CCAR2: variants seen among roughly 807,000 people sequenced by gnomAD.
CCAR2 encodes cell cycle and apoptosis regulator protein 2.
In CCAR2, 21 loss-of-function variants were observed where a neutral mutation model predicts 108.1. The ratio of observed to expected loss-of-function variants is 0.19; its 90% CI spans 0.14 to 0.28. The LOEUF is 0.28. Ranked by LOEUF, CCAR2 falls within the 10% of genes least tolerant of loss-of-function variation. The pLI is 1.00. For synonymous variants in CCAR2, 577 were observed against 472.8 expected, an observed-to-expected ratio of 1.22 and a Z score of -2.86; for missense variants, 1,126 against 1,177.0, an observed-to-expected ratio of 0.96 and a Z score of 0.63.
At position 22,620,416 on chromosome 8, in the gene CCAR2, G is replaced by GGTT. The variant is rs1389877313; in HGVS notation, c.*735_*737dup. ...AGTTTGACTTTGTATATAAAGTTGG[G>GGTT]GTTTTTTTTTTTTTTTTTTGGCTTG... On this transcript the variant is annotated 3_prime_UTR_variant, in exon 21 of 21. Coordinates refer to ENST00000308511, the MANE Select transcript of CCAR2 (RefSeq NM_001393997.1). 1.6e-4 allele frequency: 17 copies of GGTT among 109,272 alleles called. 1 individual carries two copies. The highest frequency in any genetic ancestry group is 3.9e-5 in the Non-Finnish European group (2 of 51,796). 6.8% of individuals were successfully genotyped at this position (109,272 alleles called of 1,614,324 possible). A position where few individuals can be genotyped will look rare whatever the true frequency, so the allele number is the denominator to read the frequency against.
chr8:22,621,065 G>C (rs113002231), downstream of CCAR2: 1 of 199,140 alleles, frequency 5.0e-6, no homozygotes, highest in Non-Finnish European at 1.0e-5. Context: ...AGGTAGATTT[G>C]ATGCCCACAA....
At chr8:22,606,744 G>C in intron 4 of CCAR2, 46 bp downstream of exon 4, 1 of 1,534,142 alleles carries the variant, frequency 6.5e-7, no homozygotes, top group South Asian at 1.1e-5. Flanking sequence ...ATTGGATTCA[G>C]TTCTGTCACC....
chr8:22,605,681 G>T (rs1801045561), intron 1 of CCAR2, 55 bp from the exon 2 acceptor site: 13 of 1,052,650 alleles, frequency 1.2e-5, no homozygotes, highest in Non-Finnish European at 1.9e-5. Context: ...ACTTTTCCGG[G>T]TATAGATGGA....
chr8:22,621,423 C>CGG, downstream of CCAR2: 4 of 1,612,586 alleles, frequency 2.5e-6, no homozygotes, highest in Non-Finnish European at 3.4e-6. Context: ...GACGGGGATT[C>CGG]AGTCATCGGC....
chr8:22,617,939 CCAG>C (rs1395889397), intron 16 of CCAR2, among the ~76,000 whole-genome samples, 161 bp downstream of exon 16: 1 of 152,102 alleles, frequency 6.6e-6, no homozygotes, highest in African/African-American at 2.4e-5. Context: ...TTCATAGGCT[CCAG>C]GAGAACATTT....
rs201372833 is a variant in CCAR2 at position 22,616,282 on chromosome 8, C to G, written c.1845+34C>G. On this transcript the variant is annotated intron_variant, in intron 14 of 20. Transcript: ENST00000308511. ...CCTGCCACCTCGGGCTGTCATAGTG[C>G]TTACCGTGACCGCGCACCTTTACCC... 8 of 1,586,100 alleles carry G rather than the reference C, an allele frequency of 5.0e-6. No individual in the cohort carries two copies. The South Asian group carries it at 7.7e-5, about 15-fold the overall frequency.
chr8:22,614,519 C>T lies in CCAR2; in HGVS notation c.1041+16C>T. On this transcript the variant is annotated intron_variant, in intron 10 of 20. Transcript: ENST00000308511. The stretch of plus-strand genomic sequence containing the variant: ...GCAGATTAAGGTAAGAGCTGGAGAG[C>T]AGGAGGAGATGCATTCACGGGTAAT... 6.2e-7 allele frequency: 1 copy of T among 1,603,436 alleles called. No homozygotes were observed. The highest frequency in any genetic ancestry group is 1.1e-5 in the South Asian group (1 of 90,882).
At chr8:22,616,680 G>T in intron 14 of CCAR2, 1 of 185,416 alleles carries the variant, frequency 5.4e-6, no homozygotes, top group East Asian at 1.3e-4. Flanking sequence ...GCCGGGTGTG[G>T]TGGTGCATGC....
chr8:22,613,269 C>G, intron 8 of CCAR2, 133 bp downstream of exon 8: 3 of 971,340 alleles, frequency 3.1e-6, no homozygotes, highest in Non-Finnish European at 4.1e-6. Flanking sequence ...CACATGGAAA[C>G]CTGTTGTACA....
chr8:22,619,814 C>T lies in CCAR2; in HGVS notation c.*132C>T. On this transcript the variant is annotated 3_prime_UTR_variant, in exon 21 of 21. Coordinates refer to ENST00000308511, the MANE Select transcript of CCAR2 (RefSeq NM_001393997.1). ...CAGGGGTGGCTGACCCCATGCTCAGCCTCTAGGGGACGGCAGGCCATCAGG... is the reference window on the plus strand; with the variant it reads ...CAGGGGTGGCTGACCCCATGCTCAGTCTCTAGGGGACGGCAGGCCATCAGG... 1.1e-6 allele frequency: 1 copy of T among 940,644 alleles called. No individual in the cohort carries two copies. Among genetic ancestry groups the T allele is most frequent in the Non-Finnish European group, 1.6e-6 (1 of 612,136 alleles). 58.3% of individuals were successfully genotyped at this position (940,644 alleles called of 1,614,324 possible).
At position 22,614,709 on chromosome 8, in the gene CCAR2, G is replaced by A. The variant is rs1801427747; in HGVS notation, c.1042-129G>A. ...GGTGGCTGGTTCATGTTTGCAGATA[G>A]AGACCTCACTGTGTGGTGGACTTCC... On this transcript the variant is annotated intron_variant, in intron 10 of 20. Coordinates refer to ENST00000308511, the MANE Select transcript of CCAR2 (RefSeq NM_001393997.1). 3.2e-6 allele frequency: 3 copies of A among 929,608 alleles called. No individual in the cohort carries two copies. In the South Asian group the frequency reaches 5.2e-5, roughly 16 times the overall value. 57.6% of individuals were successfully genotyped at this position (929,608 alleles called of 1,614,324 possible).
intron 1 of CCAR2, chr8:22,605,056 G>A (rs1356993845): frequency 3.6e-6 from 1 of 274,552 alleles, no homozygotes; most frequent in Non-Finnish European, 7.2e-6. Context: ...CTCCCTTGGT[G>A]GCCTCGCCGC....
At chr8:22,615,980 G>A (rs767919449) in intron 13 of CCAR2, 32 bp from the exon 14 acceptor site, 2 of 1,612,980 alleles carry the variant, frequency 1.2e-6, no homozygotes, top group South Asian at 2.2e-5. Flanking sequence ...CTTTCTTCCT[G>A]ATGCTCATGG....
chr8:22,614,015 T>A (rs1801395967), intron 8 of CCAR2, 77 bp from the exon 9 acceptor site: 2 of 1,405,892 alleles, frequency 1.4e-6, no homozygotes, highest in Non-Finnish European at 1.9e-6. Flanking sequence ...TTCGCCCATT[T>A]TTTCAAATCT....
chr8:22,619,317 A>AC lies in CCAR2; in HGVS notation c.2695dup (p.Leu899ProfsTer13). ...GCTGCAGGAGCTCCGCAGGCGTCTG[A>AC]CCCCCCTGCAGCTGGAGATCCAGCG... On this transcript the variant is annotated frameshift_variant, in exon 20 of 21. Transcript: ENST00000308511. LOFTEE classifies it high-confidence loss of function. The AC allele has an allele frequency of 3.2e-6, 5 of 1,562,536 alleles. No individual in the cohort carries two copies. The highest frequency in any genetic ancestry group is 4.3e-6 in the Non-Finnish European group (5 of 1,154,498).
At position 22,615,768 on chromosome 8, in the gene CCAR2, C is replaced by G. The variant is rs6558166; in HGVS notation, c.1464C>G (p.Thr488=). ...GGAACGCAGAAACTCCAGAGGCCAC[C>G]ACACAGCAGGAAACGGACACTGATC... is the stretch of plus-strand genomic sequence containing the variant. The part of the protein sequence containing the change: ...SRRNAETPEA[T]TQQETDTDLP... Residue 488 remains threonine (T), a synonymous_variant, in exon 13 of 21, where the codon ACC becomes ACG. Coordinates refer to ENST00000308511, the MANE Select transcript of CCAR2 (RefSeq NM_001393997.1). 81,930 of 1,613,836 alleles carry G rather than the reference C, an allele frequency of 0.051. 5,863 individuals carry two copies. The highest frequency in any genetic ancestry group is 0.34 in the African/African-American group (25,545 of 74,930).
At chr8:22,616,893 TTTTG>T (rs1801540149) in intron 14 of CCAR2, among the ~76,000 whole-genome samples, 6 of 74,198 alleles carry the variant, frequency 8.1e-5, no homozygotes, top group East Asian at 3.3e-4. Flanking sequence ...TTTTTTTTTT[TTTTG>T]GGGAGATGGA....
intron 14 of CCAR2, 38 bp downstream of exon 14, chr8:22,616,286 C>T (rs1355253475): frequency 1.3e-6 from 2 of 1,580,578 alleles, no homozygotes; most frequent in Admixed American, 1.7e-5. Flanking sequence ...ATAGTGCTTA[C>T]CGTGACCGCG....
chr8:22,604,841 A>G lies in CCAR2; in HGVS notation c.-40A>G, dbSNP rs1231324622. 1 of 453,690 alleles carries G rather than the reference A, an allele frequency of 2.2e-6. No homozygotes were observed. Among genetic ancestry groups the G allele is most frequent in the Non-Finnish European group, 4.4e-6 (1 of 226,240 alleles). 28.1% of individuals were successfully genotyped at this position (453,690 alleles called of 1,614,324 possible). On this transcript the variant is annotated splice_region_variant and 5_prime_UTR_variant, in exon 1 of 21. Coordinates refer to ENST00000308511, the MANE Select transcript of CCAR2 (RefSeq NM_001393997.1). ...CCCCGGTGTCGCTGCCCTGGCCCGC[A>G]GGTGGGTTGGGGGGCCCCCTGCCGC...
Sources: gnomAD v4.1 joint callset for allele counts (sites outside exome capture counted in the v4.1 genomes callset) on GRCh38, gnomAD v4.1.1 for gene constraint, MANE v1.5 for transcripts, NCBI Gene and HGNC (gene_info 2026-07-23, HGNC 2026-07-21) for gene names.